Variants in ATP2C1 observed in about 807,000 individuals in gnomAD.
The protein encoded by ATP2C1 is calcium-transporting ATPase type 2C member 1.
A neutral mutation model predicts 120.5 loss-of-function variants in ATP2C1; 31 were observed. The ratio of observed to expected loss-of-function variants is 0.26; its 90% CI spans 0.19 to 0.35. The LOEUF is 0.35. Ranked by LOEUF, ATP2C1 falls within the 10% of genes least tolerant of loss-of-function variation. The pLI is 1.00. For missense variants in ATP2C1, 731 were observed against 1,107.5 expected, an observed-to-expected ratio of 0.66 and a Z score of 4.83; for synonymous variants, 351 against 358.7, an observed-to-expected ratio of 0.98 and a Z score of 0.24.
intron 8 of ATP2C1, among the ~76,000 whole-genome samples, chr3:130,949,562 G>T (rs890134759): frequency 6.6e-6 from 1 of 152,166 alleles, no homozygotes; most frequent in Non-Finnish European, 1.5e-5. Context: ...TTCAGAAGAT[G>T]TAGCTAAGAT....
chr3:130,916,350 A>G (rs1013641997), intron 2 of ATP2C1, among the ~76,000 whole-genome samples: 8 of 152,098 alleles, frequency 5.3e-5, no homozygotes, highest in Non-Finnish European at 1.2e-4. Context: ...TGGGAGGCAG[A>G]GGTTGCAGTG....
chr3:130,971,735 C>T (rs886088180), intron 17 of ATP2C1, among the ~76,000 whole-genome samples: 1 of 152,134 alleles, frequency 6.6e-6, no homozygotes, highest in Non-Finnish European at 1.5e-5. Context: ...CCCCCAAGTA[C>T]CTTTGCTGCT....
chr3:130,865,992 A>T (rs1254709647), intron 1 of ATP2C1, among the ~76,000 whole-genome samples: 4 of 152,038 alleles, frequency 2.6e-5, no homozygotes, highest in Non-Finnish European at 5.9e-5. Flanking sequence ...AATGTATTGA[A>T]ATGTCTACTT....
chr3:130,949,948 C>T (rs2060300955), intron 8 of ATP2C1, among the ~76,000 whole-genome samples: 4 of 152,080 alleles, frequency 2.6e-5, no homozygotes, highest in Admixed American at 2.6e-4. Flanking sequence ...TAATGATTTG[C>T]TTTTAATTCT....
chr3:130,863,512 GA>G (rs1241312150), intron 1 of ATP2C1, among the ~76,000 whole-genome samples: 1 of 152,104 alleles, frequency 6.6e-6, no homozygotes, highest in Non-Finnish European at 1.5e-5. Context: ...CATCACTAAA[GA>G]AAGATAAAGT....
chr3:130,952,816 G>A (rs1229855568), intron 8 of ATP2C1, among the ~76,000 whole-genome samples: 1 of 152,174 alleles, frequency 6.6e-6, no homozygotes, highest in East Asian at 1.9e-4. Context: ...ATCACCTGGA[G>A]GGCTTGTAAA....
At chr3:130,947,180 G>T (rs940853026) in intron 8 of ATP2C1, among the ~76,000 whole-genome samples, 3 of 152,062 alleles carry the variant, frequency 2.0e-5, no homozygotes, top group South Asian at 2.1e-4. Context: ...TAGGTGTAGG[G>T]TGGGGCCTGA....
At chr3:130,999,871 G>A (rs2062805857) in intron 27 of ATP2C1, among the ~76,000 whole-genome samples, 1 of 152,050 alleles carries the variant, frequency 6.6e-6, no homozygotes, top group Non-Finnish European at 1.5e-5. Context: ...GTTATCAATT[G>A]TTATAAAAAT....
chr3:130,890,745 T>C (rs2069141594), upstream of ATP2C1, among the ~76,000 whole-genome samples: 1 of 152,228 alleles, frequency 6.6e-6, no homozygotes, highest in Non-Finnish European at 1.5e-5. Context: ...GCAATTCTGG[T>C]AGATGTTTGT....
At chr3:130,892,041 A>G (rs890801460), upstream of ATP2C1, among the ~76,000 whole-genome samples, 52 of 152,218 alleles carry the variant, frequency 3.4e-4, no homozygotes, top group African/African-American at 1.2e-3. Flanking sequence ...TTAGGGGACC[A>G]AAAGTAAAAT....
At chr3:130,934,043 A>G (rs1034553836) in intron 4 of ATP2C1, among the ~76,000 whole-genome samples, 12 of 152,324 alleles carry the variant, frequency 7.9e-5, no homozygotes, top group African/African-American at 2.9e-4. Flanking sequence ...GGTCATTTAA[A>G]TGCTTTCTGA....
At chr3:130,880,466 G>A (rs900247805) in intron 1 of ATP2C1, among the ~76,000 whole-genome samples, 2 of 152,236 alleles carry the variant, frequency 1.3e-5, no homozygotes, top group South Asian at 2.1e-4. Flanking sequence ...GGCTACAAAA[G>A]CATTACCTTC....
chr3:130,860,492 G>A (rs1321603552), intron 1 of ATP2C1, among the ~76,000 whole-genome samples: 1 of 152,224 alleles, frequency 6.6e-6, no homozygotes, highest in East Asian at 1.9e-4. Flanking sequence ...CCTTATATGT[G>A]TCAGGCACTT....
intron 2 of ATP2C1, among the ~76,000 whole-genome samples, chr3:130,923,349 C>G (rs2059052946): frequency 6.6e-6 from 1 of 151,998 alleles, no homozygotes; most frequent in Non-Finnish European, 1.5e-5. Flanking sequence ...GCCTCAGCCT[C>G]CCGAGTAGCT....
chr3:130,980,625 A>G lies in ATP2C1; in HGVS notation c.1785A>G (p.Ser595=), dbSNP rs200047787. The G allele has an allele frequency of 1.4e-4, 219 of 1,613,246 alleles. No individual in the cohort carries two copies. The highest frequency in any genetic ancestry group is 3.3e-4 in the Middle Eastern group (2 of 6,072). Residue 595 remains serine (S), a synonymous_variant, in exon 20 of 28, where the codon TCA becomes TCG. Transcript: ENST00000510168. ...ATTCCAAAACTTCCCAGTCAGTCTCAGGAGAAGAAATAGATGCAATGGATG... is the reference window on the plus strand; with the variant it reads ...ATTCCAAAACTTCCCAGTCAGTCTCGGGAGAAGAAATAGATGCAATGGATG... ...GLYSKTSQSV[S]GEEIDAMDVQ...
intron 14 of ATP2C1, among the ~76,000 whole-genome samples, chr3:130,965,405 T>G (rs1209543361): frequency 2.0e-5 from 3 of 152,094 alleles, no homozygotes; most frequent in Non-Finnish European, 4.4e-5. Context: ...TTGACTGGTC[T>G]TTTTCCATTC....
At chr3:130,999,823 C>T (rs530926612) in intron 27 of ATP2C1, among the ~76,000 whole-genome samples, 164 bp downstream of exon 27, 6 of 152,278 alleles carry the variant, frequency 3.9e-5, no homozygotes, top group Middle Eastern at 3.4e-3. Flanking sequence ...GGGAATTACT[C>T]TCCTAACTCC....
At chr3:130,952,741 C>T (rs560092418) in intron 8 of ATP2C1, among the ~76,000 whole-genome samples, 13 of 152,306 alleles carry the variant, frequency 8.5e-5, no homozygotes, top group African/African-American at 2.4e-4. Context: ...TAGTTTCTTA[C>T]AGAGTATCCT....
At chr3:130,986,366 A>C (rs1484505390) in intron 20 of ATP2C1, among the ~76,000 whole-genome samples, 1 of 152,150 alleles carries the variant, frequency 6.6e-6, no homozygotes, top group Non-Finnish European at 1.5e-5. Flanking sequence ...CAGAGATGCT[A>C]AAGGTGGTGA....
Sources: gnomAD v4.1 joint callset for allele counts (sites outside exome capture counted in the v4.1 genomes callset) on GRCh38, gnomAD v4.1.1 for gene constraint, MANE v1.5 for transcripts, NCBI Gene and HGNC (gene_info 2026-07-23, HGNC 2026-07-21) for gene names.